ALK: variants seen among roughly 807,000 people sequenced by gnomAD.
The protein encoded by ALK is ALK receptor tyrosine kinase, also known as ALK tyrosine kinase receptor.
A neutral mutation model predicts 163.1 loss-of-function variants in ALK; 74 were observed. The ratio of observed to expected loss-of-function variants is 0.45; its 90% confidence interval spans 0.38 to 0.55. The LOEUF is 0.55. ALK is among the 20% of genes least tolerant of loss of function. ALK has a pLI of 0.00. For missense variants in ALK, 2,063 were observed against 2,105.3 expected, an observed-to-expected ratio of 0.98 and a Z score of 0.39; for synonymous variants, 960 against 843.2, an observed-to-expected ratio of 1.14 and a Z score of -2.40.
chr2:29,250,973 C>T lies in ALK; in HGVS notation c.2204+132G>A, dbSNP rs1212700499. ...TCCCCATCTCCAACCTTTATACCCC[C>T]TATGGGCCTGAGTCTGTTGCCTTTG... is the stretch of plus-strand genomic sequence containing the variant. On this transcript the variant is annotated intron_variant, in intron 12 of 28. Coordinates refer to ENST00000389048, the MANE Select transcript of ALK (RefSeq NM_004304.5). 3 of 847,980 alleles carry T rather than the reference C, an allele frequency of 3.5e-6. No homozygotes were observed. In the African/African-American group the frequency reaches 5.1e-5, roughly 14 times the overall value. 52.5% of individuals were successfully genotyped at this position (847,980 alleles called of 1,614,324 possible). A position where few individuals can be genotyped will look rare whatever the true frequency, so the allele number is the denominator to read the frequency against.
At chr2:29,588,540 A>C (rs1674956948) in intron 3 of ALK, among the ~76,000 whole-genome samples, 1 of 152,184 alleles carries the variant, frequency 6.6e-6, no homozygotes, top group African/African-American at 2.4e-5. Flanking sequence ...CGAGAAAGAA[A>C]TTAAGCTCTC....
At chr2:29,546,318 T>C (rs1673553238) in intron 3 of ALK, among the ~76,000 whole-genome samples, 1 of 152,130 alleles carries the variant, frequency 6.6e-6, no homozygotes, top group Non-Finnish European at 1.5e-5. Flanking sequence ...CAAAAAAAGA[T>C]AATAAAAGGC....
chr2:29,862,130 A>T (rs1232218228), intron 1 of ALK, among the ~76,000 whole-genome samples: 1 of 152,232 alleles, frequency 6.6e-6, no homozygotes, highest in Non-Finnish European at 1.5e-5. Flanking sequence ...ACCTCAACAC[A>T]ATAAAAGCTA....
At chr2:29,675,684 T>TA (rs959182541) in intron 3 of ALK, among the ~76,000 whole-genome samples, 2 of 152,042 alleles carry the variant, frequency 1.3e-5, no homozygotes, top group African/African-American at 4.8e-5. Context: ...GGACAATTCT[T>TA]TACCTTCTTT....
intron 1 of ALK, among the ~76,000 whole-genome samples, chr2:29,767,849 G>A (rs1407589428): frequency 6.6e-6 from 1 of 152,176 alleles, no homozygotes; most frequent in East Asian, 1.9e-4. Context: ...CTGTCAACAG[G>A]GATGTCAAAC....
At chr2:29,307,988 A>G (rs1666571391) in intron 8 of ALK, among the ~76,000 whole-genome samples, 1 of 152,158 alleles carries the variant, frequency 6.6e-6, no homozygotes, top group Admixed American at 6.5e-5. Flanking sequence ...AAGGCCACAT[A>G]CAAAAATAAT....
intron 3 of ALK, among the ~76,000 whole-genome samples, chr2:29,563,348 A>C (rs989213836): frequency 4.6e-5 from 7 of 152,220 alleles, no homozygotes; most frequent in African/African-American, 1.7e-4. Flanking sequence ...GAGTCTATAT[A>C]GGAATTGGGA....
intron 1 of ALK, among the ~76,000 whole-genome samples, chr2:29,821,636 G>A (rs576767572): frequency 6.6e-6 from 1 of 152,110 alleles, no homozygotes; most frequent in African/African-American, 2.4e-5. Context: ...GCATCTGTAG[G>A]GGTTCTGGGG....
At chr2:29,294,217 T>C (rs1558657094) in intron 9 of ALK, among the ~76,000 whole-genome samples, 1 of 152,258 alleles carries the variant, frequency 6.6e-6, no homozygotes, top group Non-Finnish European at 1.5e-5. Context: ...TTCTCCCATT[T>C]TCATCTTCTA....
chr2:29,674,599 G>A (rs1199859774), intron 3 of ALK, among the ~76,000 whole-genome samples: 1 of 151,008 alleles, frequency 6.6e-6, no homozygotes. Flanking sequence ...GAGGATTTTT[G>A]CATCAATGTT....
chr2:29,561,152 AGT>A (rs1161890678), intron 3 of ALK, among the ~76,000 whole-genome samples: 1 of 152,174 alleles, frequency 6.6e-6, no homozygotes, highest in Non-Finnish European at 1.5e-5. Context: ...TACTTTTTTA[AGT>A]GGCTACTAGA....
chr2:29,209,452 A>C lies in ALK; in HGVS notation c.3836+334T>G, dbSNP rs531968406. 2.3e-3 allele frequency among the ~76,000 whole-genome samples: 350 copies of C among 151,886 alleles called. 1 individual carries two copies. Among genetic ancestry groups the C allele is most frequent in the Middle Eastern group, 0.017 (5 of 292 alleles). ...AGCTACTCGAGAAGCTGAGGCAGGAAAATCGCTTGAACCCGGGAGGCAGAG... is the reference window on the plus strand; with the variant it reads ...AGCTACTCGAGAAGCTGAGGCAGGACAATCGCTTGAACCCGGGAGGCAGAG... On this transcript the variant is annotated intron_variant, in intron 25 of 28. Coordinates refer to ENST00000389048, the MANE Select transcript of ALK (RefSeq NM_004304.5).
At chr2:29,603,101 T>C (rs1213335505) in intron 3 of ALK, among the ~76,000 whole-genome samples, 1 of 152,196 alleles carries the variant, frequency 6.6e-6, no homozygotes, top group Non-Finnish European at 1.5e-5. Flanking sequence ...TTGGAATCAA[T>C]AGAAAGGCAC....
intron 4 of ALK, among the ~76,000 whole-genome samples, chr2:29,504,261 C>G (rs10445966): frequency 1 from 151,708 of 152,210 alleles, 75,606 homozygotes; most frequent in Non-Finnish European, 1. Context: ...TGTGGGGACG[C>G]TGTGTGAGAG....
intron 1 of ALK, among the ~76,000 whole-genome samples, chr2:29,728,571 TATG>T (rs1311883030): frequency 9.9e-5 from 15 of 152,176 alleles, no homozygotes; most frequent in African/African-American, 3.6e-4. Flanking sequence ...TATGAGAACG[TATG>T]ATGAGGGATC....
At chr2:29,618,606 C>T (rs1211096317) in intron 3 of ALK, among the ~76,000 whole-genome samples, 1 of 152,170 alleles carries the variant, frequency 6.6e-6, no homozygotes, top group Non-Finnish European at 1.5e-5. Flanking sequence ...CTCTGATTCT[C>T]TCCTCCCTAA....
At chr2:29,536,630 G>A in intron 3 of ALK, among the ~76,000 whole-genome samples, 1 of 152,144 alleles carries the variant, frequency 6.6e-6, no homozygotes, top group Non-Finnish European at 1.5e-5. Context: ...TGAAAATATA[G>A]AAGTAACTTT....
intron 3 of ALK, among the ~76,000 whole-genome samples, chr2:29,660,056 G>A (rs532042095): frequency 8.0e-4 from 121 of 152,128 alleles, no homozygotes; most frequent in Non-Finnish European, 1.6e-3. Flanking sequence ...CCTCTAATGT[G>A]TACAATTTTG....
At chr2:29,835,831 C>A (rs560928421) in intron 1 of ALK, among the ~76,000 whole-genome samples, 1 of 152,308 alleles carries the variant, frequency 6.6e-6, no homozygotes, top group Admixed American at 6.5e-5. Flanking sequence ...GTAAGACAAG[C>A]CTCACCTTCC....
Sources: allele counts gnomAD v4.1 joint callset (sites outside exome capture counted in the v4.1 genomes callset), GRCh38; gene constraint gnomAD v4.1.1; transcripts MANE v1.5; gene names NCBI Gene and HGNC (gene_info 2026-07-23, HGNC 2026-07-21).